Variants in DOCK3 observed in about 807,000 individuals in gnomAD.
DOCK3 encodes the protein dedicator of cytokinesis protein 3.
Under a neutral mutation model 265.6 loss-of-function variants are expected in DOCK3, and 60 were observed. That is an observed-to-expected ratio of 0.23 (90% CI 0.18 to 0.28). The LOEUF (loss-of-function observed/expected upper bound fraction) is 0.28. Among genes scored for constraint, DOCK3 ranks in the 10% least tolerant of loss-of-function variants. The pLI is 1.00. For missense variants in DOCK3, 1,981 were observed against 2,594.3 expected, an observed-to-expected ratio of 0.76 and a Z score of 5.14; for synonymous variants, 881 against 938.0, an observed-to-expected ratio of 0.94 and a Z score of 1.11.
At chr3:51,011,661 G>T (rs749450787) in intron 5 of DOCK3, among the ~76,000 whole-genome samples, 5 of 152,084 alleles carry the variant, frequency 3.3e-5, no homozygotes, top group Non-Finnish European at 7.4e-5. Context: ...GTTGCATTGC[G>T]GGCGAGGAGC....
At chr3:51,159,372 T>G in intron 11 of DOCK3, 68 bp downstream of exon 11, 1 of 1,455,576 alleles carries the variant, frequency 6.9e-7, no homozygotes. Flanking sequence ...GTCTTGTGCA[T>G]GAGCTTTGTT....
At chr3:50,888,858 A>G (rs1018509382) in intron 3 of DOCK3, among the ~76,000 whole-genome samples, 1 of 152,130 alleles carries the variant, frequency 6.6e-6, no homozygotes, top group Non-Finnish European at 1.5e-5. Context: ...ACAAAAATTA[A>G]TTCAAGATGG....
intron 5 of DOCK3, among the ~76,000 whole-genome samples, chr3:51,054,667 A>T (rs56962519): frequency 0.025 from 3,808 of 152,136 alleles, 186 homozygotes; most frequent in African/African-American, 0.087. Context: ...ATTGGATTGC[A>T]TTACCTTTTC....
chr3:50,680,999 G>C (rs1208936659), intron 1 of DOCK3, among the ~76,000 whole-genome samples: 1 of 151,884 alleles, frequency 6.6e-6, no homozygotes, highest in Non-Finnish European at 1.5e-5. Flanking sequence ...TGTTTTTGTG[G>C]CCTGTGCTTT....
intron 4 of DOCK3, among the ~76,000 whole-genome samples, chr3:50,902,890 G>C (rs1281927238): frequency 6.6e-6 from 1 of 152,126 alleles, no homozygotes; most frequent in Non-Finnish European, 1.5e-5. Context: ...TCCTACACCT[G>C]TCTGGTTAGT....
intron 1 of DOCK3, among the ~76,000 whole-genome samples, chr3:50,682,871 G>A (rs746982849): frequency 2.6e-5 from 4 of 152,226 alleles, no homozygotes; most frequent in Admixed American, 6.5e-5. Flanking sequence ...CCTGGGAGGC[G>A]GAGGTTGTAG....
At chr3:51,131,358 C>A (rs1459317324) in intron 9 of DOCK3, among the ~76,000 whole-genome samples, 1 of 152,170 alleles carries the variant, frequency 6.6e-6, no homozygotes, top group East Asian at 1.9e-4. Context: ...CATCATTTCT[C>A]TTTCCCCAGT....
At chr3:51,095,948 C>T (rs370991690) in intron 9 of DOCK3, among the ~76,000 whole-genome samples, 10 of 150,674 alleles carry the variant, frequency 6.6e-5, no homozygotes, top group Admixed American at 2.6e-4. Context: ...TTGGCCCCCA[C>T]GCTCTCTGGC....
At chr3:50,900,964 C>A (rs1236615194) in intron 4 of DOCK3, 1 of 421,586 alleles carries the variant, frequency 2.4e-6, no homozygotes, top group Admixed American at 2.8e-5. Context: ...AGGGACCCAC[C>A]TGAGGAAGCA....
intron 12 of DOCK3, among the ~76,000 whole-genome samples, chr3:51,206,342 G>A (rs1373637051): frequency 2.0e-4 from 31 of 152,178 alleles, no homozygotes; most frequent in Non-Finnish European, 4.3e-4. Context: ...ACATGGTGGA[G>A]ATGATTAGCA....
chr3:51,187,724 T>TA (rs1480255342), intron 12 of DOCK3, among the ~76,000 whole-genome samples: 2 of 150,546 alleles, frequency 1.3e-5, no homozygotes, highest in Non-Finnish European at 3.0e-5. Context: ...CTGATGGTTT[T>TA]AAAAAACGGG....
chr3:51,290,602 T>C (rs2081685308), intron 27 of DOCK3, among the ~76,000 whole-genome samples: 2 of 151,984 alleles, frequency 1.3e-5, no homozygotes, highest in African/African-American at 4.8e-5. Flanking sequence ...AGTTAATGGG[T>C]GCAGCACACC....
chr3:50,973,369 A>G (rs538174684), intron 5 of DOCK3, among the ~76,000 whole-genome samples: 66 of 139,206 alleles, frequency 4.7e-4, no homozygotes, highest in African/African-American at 1.6e-3. Context: ...ATTCCCACCT[A>G]TGAGTGAGAA....
chr3:50,816,344 G>C (rs137866909), intron 2 of DOCK3, among the ~76,000 whole-genome samples: 1 of 106,770 alleles, frequency 9.4e-6, no homozygotes, highest in Non-Finnish European at 1.8e-5. Flanking sequence ...TTTTTTTTGA[G>C]ACACTCTCAC....
At chr3:51,123,924 G>T (rs1032997006) in intron 9 of DOCK3, among the ~76,000 whole-genome samples, 3 of 152,190 alleles carry the variant, frequency 2.0e-5, no homozygotes, top group African/African-American at 7.2e-5. Flanking sequence ...TCTCAGGCCT[G>T]CTATGTTAAC....
chr3:50,776,655 T>C (rs2041617780), intron 1 of DOCK3, among the ~76,000 whole-genome samples: 1 of 152,146 alleles, frequency 6.6e-6, no homozygotes, highest in Admixed American at 6.6e-5. Flanking sequence ...CTTAAGCCAA[T>C]GTTCAGGAGA....
At chr3:50,999,998 A>G (rs552228824) in intron 5 of DOCK3, among the ~76,000 whole-genome samples, 1 of 152,162 alleles carries the variant, frequency 6.6e-6, no homozygotes, top group Non-Finnish European at 1.5e-5. Flanking sequence ...TTCAACACCT[A>G]GTTAGGCTCA....
intron 12 of DOCK3, among the ~76,000 whole-genome samples, chr3:51,164,930 G>A (rs1032065947): frequency 7.9e-6 from 1 of 126,156 alleles, no homozygotes; most frequent in South Asian, 2.6e-4. Context: ...AAGAGTACTT[G>A]TTTAGGAGCC....
At chr3:50,877,281 G>T in intron 3 of DOCK3, 1 of 354,520 alleles carries the variant, frequency 2.8e-6, no homozygotes, top group South Asian at 2.2e-5. Context: ...TCTTACTCTT[G>T]ATATTTCTAT....
Sources: gnomAD v4.1 joint callset for allele counts (sites outside exome capture counted in the v4.1 genomes callset) on GRCh38, gnomAD v4.1.1 for gene constraint, MANE v1.5 for transcripts, NCBI Gene and HGNC (gene_info 2026-07-23, HGNC 2026-07-21) for gene names.